CCDC183: variants seen among roughly 807,000 people sequenced by gnomAD.
The protein encoded by CCDC183 is coiled-coil domain-containing protein 183.
A neutral mutation model predicts 65.2 loss-of-function variants in CCDC183; 63 were observed. The observed-to-expected ratio is 0.97, with a 90% CI of 0.79 to 1.19. The LOEUF (loss-of-function observed/expected upper bound fraction) is 1.19, where lower values mean the gene tolerates loss of function less well. CCDC183 is among the 50% of genes most tolerant of loss of function. The pLI is 0.00. For synonymous variants in CCDC183, 323 were observed against 276.5 expected, an observed-to-expected ratio of 1.17 and a Z score of -1.67; for missense variants, 769 against 689.3, an observed-to-expected ratio of 1.12 and a Z score of -1.30.
intron 1 of CCDC183, among the ~76,000 whole-genome samples, chr9:136,798,690 G>C (rs1268739735): frequency 1.3e-5 from 2 of 152,178 alleles, no homozygotes; most frequent in Non-Finnish European, 2.9e-5. Flanking sequence ...TGGGAGAAGG[G>C]ATCAAAGGGA....
chr9:136,800,346 G>A (rs1209446487), intron 4 of CCDC183, 43 bp from the exon 5 acceptor site: 1 of 1,549,052 alleles, frequency 6.5e-7, no homozygotes, highest in Non-Finnish European at 8.8e-7. Context: ...CCTCCGGGCG[G>A]CCGGTCCCCA....
rs957451374 is a variant in CCDC183, at chr9:136,799,619, G to A, written c.193-94G>A. On this transcript the variant is annotated intron_variant, in intron 2 of 13. Coordinates refer to ENST00000338005, the MANE Select transcript of CCDC183 (RefSeq NM_001039374.5). ...AGGGATCTCGCTACTGGGCTAGCGTGGGATACAAGAGGCCCTGGGGAGAAT... is the reference window on the plus strand; with the variant it reads ...AGGGATCTCGCTACTGGGCTAGCGTAGGATACAAGAGGCCCTGGGGAGAAT... 5 of 1,041,808 alleles carry A rather than the reference G, an allele frequency of 4.8e-6. No homozygotes were observed. In the African/African-American group the frequency reaches 6.3e-5, roughly 13 times the overall value. The allele number at this position is 1,041,808 out of a possible 1,614,324, so 64.5% of individuals were successfully genotyped here.
In CCDC183 at chr9:136,799,795, C is replaced by A. The variant is rs756843876; in HGVS notation, c.270+5C>A. On this transcript the variant is annotated splice_donor_5th_base_variant and intron_variant, in intron 3 of 13. Coordinates refer to ENST00000338005, the MANE Select transcript of CCDC183 (RefSeq NM_001039374.5). ...CACTGCCGCAGCACCATGGAGGTAA[C>A]CAGGCAGGAGGGGCCTCGAGACCCA... The A allele has an allele frequency of 2.0e-5, 33 of 1,612,092 alleles. No individual in the cohort carries two copies. The highest frequency in any genetic ancestry group is 2.6e-5 in the Non-Finnish European group (31 of 1,179,366).
At position 136,807,696 on chromosome 9, in the gene CCDC183, C is replaced by T; in HGVS notation, c.*6C>T. The T allele has an allele frequency of 4.4e-6, 7 of 1,592,006 alleles. No homozygotes were observed. The highest frequency in any genetic ancestry group is 6.0e-6 in the Non-Finnish European group (7 of 1,169,340). On this transcript the variant is annotated 3_prime_UTR_variant, in exon 14 of 14. Coordinates refer to ENST00000338005, the MANE Select transcript of CCDC183 (RefSeq NM_001039374.5). ...CCAAGAAAAAGAAGAAGTAGCCCCG[C>T]CGCCCCGCTCCCTGCTTTGCTACAC...
chr9:136,799,401 G>A, intron 2 of CCDC183, 178 bp downstream of exon 2: 6 of 1,083,080 alleles, frequency 5.5e-6, no homozygotes, highest in Admixed American at 3.0e-5. Flanking sequence ...CCCAGCATCC[G>A]GTGGGCAGGT....
chr9:136,797,057 A>T (rs1847659220), intron 1 of CCDC183, among the ~76,000 whole-genome samples: 1 of 152,168 alleles, frequency 6.6e-6, no homozygotes. Context: ...TCTCAGTGTA[A>T]AGCCGACCAT....
At chr9:136,805,653 G>C in intron 9 of CCDC183, 196 bp downstream of exon 9, 1 of 578,826 alleles carries the variant, frequency 1.7e-6, no homozygotes, top group Admixed American at 3.0e-5. Context: ...TCCCATCTGT[G>C]TATCTGCGTT....
chr9:136,799,568 C>G (rs1190809644), intron 2 of CCDC183, 145 bp from the exon 3 acceptor site: 3 of 757,072 alleles, frequency 4.0e-6, no homozygotes, highest in Non-Finnish European at 6.5e-6. Flanking sequence ...GATGGGGTCC[C>G]GCGGCTCTCT....
chr9:136,799,344 A>T, intron 2 of CCDC183, 121 bp downstream of exon 2: 1 of 1,399,256 alleles, frequency 7.1e-7, no homozygotes, highest in Non-Finnish European at 9.4e-7. Flanking sequence ...TCCAGGGGGC[A>T]TGTGAGGAGG....
intron 6 of CCDC183, among the ~76,000 whole-genome samples, chr9:136,803,684 T>G (rs1847789615): frequency 6.6e-6 from 1 of 152,120 alleles, no homozygotes; most frequent in Admixed American, 6.5e-5. Context: ...AGACAGTGCT[T>G]GAGCTGGGCT....
At chr9:136,805,959 A>C in intron 9 of CCDC183, 119 bp from the exon 10 acceptor site, 1 of 787,282 alleles carries the variant, frequency 1.3e-6, no homozygotes, top group Non-Finnish European at 2.0e-6. Context: ...ACACTTGTGA[A>C]TGAGCACAGA....
intron 5 of CCDC183, among the ~76,000 whole-genome samples, chr9:136,801,732 T>C (rs1328786664): frequency 6.6e-6 from 1 of 152,096 alleles, no homozygotes; most frequent in East Asian, 1.9e-4. Flanking sequence ...CAAGCAATAA[T>C]TCCCATAGTC....
rs961413272 is a variant in CCDC183, at chr9:136,803,288, C to A, written c.666+502C>A. Among the ~76,000 whole-genome samples, 2 of 147,298 alleles carry A rather than the reference C, an allele frequency of 1.4e-5. 1 individual carries two copies. The highest frequency in any genetic ancestry group is 4.9e-5 in the African/African-American group (2 of 40,442). On this transcript the variant is annotated intron_variant, in intron 6 of 13. Coordinates refer to ENST00000338005, the MANE Select transcript of CCDC183 (RefSeq NM_001039374.5). ...TGAGCTCAGGGCCCAGGGCTGGGGC[C>A]CCCCAGGGCGGGCTCTCTTGTGTCT...
At position 136,806,544 on chromosome 9, in the gene CCDC183, G is replaced by C. The variant is rs1564352447; in HGVS notation, c.1150G>C (p.Glu384Gln). 6.2e-7 allele frequency: 1 copy of C among 1,613,664 alleles called. No individual in the cohort carries two copies. The highest frequency in any genetic ancestry group is 8.5e-7 in the Non-Finnish European group (1 of 1,180,050). Reference sequence around the variant, plus strand: ...GAAGAAAATGACAGACATGCTAAAAGAGGAAGAAGAGAGGCTCCAGCTGGC... The same window carrying C: ...GAAGAAAATGACAGACATGCTAAAACAGGAAGAAGAGAGGCTCCAGCTGGC... ...VEKKMTDMLK[E>Q]EEERLQLAHS... Residue 384 changes from glutamate to glutamine, a missense_variant, in exon 11 of 14, where the codon GAG becomes CAG. Physicochemically the swap from Glu to Gln is conservative, Grantham distance 29. Transcript: ENST00000338005.
In CCDC183 at chr9:136,806,105, A is replaced by G; in HGVS notation, c.976A>G (p.Arg326Gly). 2 of 1,552,526 alleles carry G rather than the reference A, an allele frequency of 1.3e-6. No homozygotes were observed. The highest frequency in any genetic ancestry group is 8.7e-7 in the Non-Finnish European group (1 of 1,147,962). Residue 326 changes from arginine to glycine, a missense_variant, in exon 10 of 14, where the codon AGG (arginine) becomes GGG (glycine). By Grantham distance (125) the Arg-to-Gly change is moderately radical. Transcript: ENST00000338005. ...CATCACTAGCCGCTTCCTGGCCCAG[A>G]GGAACACGGAGGAGAACCTGGAGCT... ...WDITSRFLAQ[R>G]NTEENLELQM...
At position 136,806,585 on chromosome 9, in the gene CCDC183, C is replaced by G. The variant is rs746385158; in HGVS notation, c.1191C>G (p.Thr397=). The change falls in exon 11 of 14, where the codon ACC becomes ACG. Residue 397 remains threonine (T), a synonymous_variant. Coordinates refer to ENST00000338005, the MANE Select transcript of CCDC183 (RefSeq NM_001039374.5). ...TCCAGCTGGCGCACAGCAACATGAC[C>G]AAGGGCCAGGAGCTGCTGCTGACCA... The part of the protein sequence containing the change: ...ERLQLAHSNM[T]KGQELLLTIQ... 6.2e-7 allele frequency: 1 copy of G among 1,613,606 alleles called. No individual in the cohort carries two copies. Among genetic ancestry groups the G allele is most frequent in the South Asian group, 1.1e-5 (1 of 91,090 alleles).
rs1240090839 is a variant in CCDC183, at chr9:136,807,689, A to C, written c.1604A>C (p.Ter535SerextTer?). ...AAGGCGGCCAAGAAAAAGAAGAAGT[A>C]GCCCCGCCGCCCCGCTCCCTGCTTT... is the stretch of plus-strand genomic sequence containing the variant. ...KLKAAKKKKK[*>S] Residue 535 changes from the stop codon to serine, a stop_lost, in exon 14 of 14, where the codon TAG (stop) becomes TCG (serine). Coordinates refer to ENST00000338005, the MANE Select transcript of CCDC183 (RefSeq NM_001039374.5). 4 of 1,595,964 alleles carry C rather than the reference A, an allele frequency of 2.5e-6. 1 individual carries two copies. The African/African-American group carries it at 5.4e-5, about 22-fold the overall frequency.
In CCDC183 at chr9:136,804,643, G is replaced by C. The variant is rs375015597; in HGVS notation, c.792+16G>C. The C allele has an allele frequency of 5.1e-5, 82 of 1,613,318 alleles. No homozygotes were observed. The highest frequency in any genetic ancestry group is 6.7e-5 in the Non-Finnish European group (79 of 1,179,750). On this transcript the variant is annotated intron_variant, in intron 7 of 13. Coordinates refer to ENST00000338005, the MANE Select transcript of CCDC183 (RefSeq NM_001039374.5). This position sits in a 1 kb window ranked among gnomAD's most constrained non-coding sequence, Gnocchi z 4.1. Reference sequence around the variant, plus strand: ...GTACCGCCGGGTAAGCCCCAGGCCAGGGCCTGGCTGGCTGCCCATCCCCAT... The same window carrying C: ...GTACCGCCGGGTAAGCCCCAGGCCACGGCCTGGCTGGCTGCCCATCCCCAT...
chr9:136,799,977 G>A, intron 3 of CCDC183, 25 bp from the exon 4 acceptor site: 1 of 1,571,608 alleles, frequency 6.4e-7, no homozygotes, highest in African/African-American at 1.3e-5. Context: ...GCAACCACGA[G>A]TGGGCGGTGC....
Sources: gnomAD v4.1 joint callset for allele counts (sites outside exome capture counted in the v4.1 genomes callset) on GRCh38, gnomAD v4.1.1 for gene constraint, Gnocchi (gnomAD v3.1) non-coding constraint, MANE v1.5 for transcripts, NCBI Gene and HGNC (gene_info 2026-07-23, HGNC 2026-07-21) for gene names.